PDE4D: variants seen among roughly 807,000 people sequenced by gnomAD.
PDE4D encodes the protein 3',5'-cyclic-AMP phosphodiesterase 4D.
Under a neutral mutation model 87.4 loss-of-function variants are expected in PDE4D, and 24 were observed. The ratio of observed to expected loss-of-function variants is 0.27; its 90% CI spans 0.20 to 0.39. The LOEUF (loss-of-function observed/expected upper bound fraction) is 0.39, where lower values mean the gene tolerates loss of function less well. Ranked by LOEUF, PDE4D falls within the 10% of genes least tolerant of loss-of-function variation. The probability of loss-of-function intolerance (pLI) is 1.00; values close to 1 mark genes in which losing one functional copy is unlikely to be tolerated. For synonymous variants in PDE4D, 384 were observed against 383.2 expected (o/e 1.00, Z -0.02); for missense variants, 714 against 1,041.0 (o/e 0.69, Z 4.32).
chr5:59,383,942 C>T (rs1366415601), intron 1 of PDE4D, among the ~76,000 whole-genome samples: 8 of 152,222 alleles, frequency 5.3e-5, no homozygotes, highest in Non-Finnish European at 8.8e-5. Flanking sequence ...AACTGAAGAG[C>T]GAGTGGTGCA....
intron 2 of PDE4D, among the ~76,000 whole-genome samples, chr5:60,136,215 T>C (rs1472208767): frequency 6.6e-6 from 1 of 152,234 alleles, no homozygotes; most frequent in African/African-American, 2.4e-5. Flanking sequence ...GAGGTCTTTC[T>C]GTACTTGCGC....
intron 1 of PDE4D, among the ~76,000 whole-genome samples, chr5:59,533,342 A>G (rs546671130): frequency 6.6e-6 from 1 of 152,376 alleles, no homozygotes; most frequent in Non-Finnish European, 1.5e-5. Context: ...TATTTACTAG[A>G]AGACTAAAAA....
At chr5:60,502,332 T>C (rs1036060044) in intron 1 of PDE4D, among the ~76,000 whole-genome samples, 1 of 152,228 alleles carries the variant, frequency 6.6e-6, no homozygotes, top group African/African-American at 2.4e-5. Flanking sequence ...GCATTATTTC[T>C]GAGGGCTCTG....
chr5:59,149,373 G>A (rs1406023384), intron 5 of PDE4D, among the ~76,000 whole-genome samples: 1 of 152,058 alleles, frequency 6.6e-6, no homozygotes, highest in Non-Finnish European at 1.5e-5. Flanking sequence ...AATTTAATTT[G>A]CCCTAACATT....
At chr5:59,047,150 G>A (rs2153400927) in intron 5 of PDE4D, among the ~76,000 whole-genome samples, 1 of 152,256 alleles carries the variant, frequency 6.6e-6, no homozygotes, top group African/African-American at 2.4e-5. Flanking sequence ...CTGGACTCAA[G>A]TCTCTAACTT....
chr5:60,108,131 T>G (rs1777233429), intron 2 of PDE4D, among the ~76,000 whole-genome samples: 1 of 151,796 alleles, frequency 6.6e-6, no homozygotes. Context: ...GCCCAAAATC[T>G]CCTTAAGCTG....
At chr5:59,394,719 CAGG>C (rs1448051080) in intron 1 of PDE4D, among the ~76,000 whole-genome samples, 1 of 152,050 alleles carries the variant, frequency 6.6e-6, no homozygotes, top group Non-Finnish European at 1.5e-5. Flanking sequence ...ATCTTTACAA[CAGG>C]AGGAGCCAAG....
intron 1 of PDE4D, among the ~76,000 whole-genome samples, chr5:59,243,983 T>G (rs764484282): frequency 2.0e-5 from 3 of 151,948 alleles, no homozygotes; most frequent in Non-Finnish European, 4.4e-5. Context: ...TGCCCAACAA[T>G]GAAAGAATGG....
chr5:59,148,509 A>G (rs1344075730), intron 5 of PDE4D, among the ~76,000 whole-genome samples: 1 of 152,200 alleles, frequency 6.6e-6, no homozygotes, highest in Admixed American at 6.5e-5. Flanking sequence ...CACCTCAAAC[A>G]GTGTGGAGAG....
intron 1 of PDE4D, among the ~76,000 whole-genome samples, chr5:59,382,606 A>C (rs1439763533): frequency 1.3e-5 from 2 of 152,300 alleles, no homozygotes; most frequent in Non-Finnish European, 2.9e-5. Flanking sequence ...GCCAATTCTC[A>C]TAGTCCATAG....
chr5:59,454,575 T>C (rs769028320), intron 1 of PDE4D, among the ~76,000 whole-genome samples: 1 of 152,036 alleles, frequency 6.6e-6, no homozygotes, highest in Non-Finnish European at 1.5e-5. Flanking sequence ...ATCAGGAGCA[T>C]GAAAACAGAC....
intron 1 of PDE4D, among the ~76,000 whole-genome samples, chr5:60,301,814 A>T (rs1468168356): frequency 1.3e-5 from 2 of 152,138 alleles, no homozygotes; most frequent in Non-Finnish European, 2.9e-5. Flanking sequence ...TAGATTTGTC[A>T]TATATGGCTC....
intron 1 of PDE4D, among the ~76,000 whole-genome samples, chr5:59,607,166 A>T (rs1382883595): frequency 1.3e-5 from 2 of 152,150 alleles, no homozygotes; most frequent in Non-Finnish European, 2.9e-5. Flanking sequence ...CTAAACCCTC[A>T]TCAAAAACAT....
At chr5:59,283,009 C>T (rs1346141119) in intron 1 of PDE4D, among the ~76,000 whole-genome samples, 1 of 152,120 alleles carries the variant, frequency 6.6e-6, no homozygotes, top group African/African-American at 2.4e-5. Flanking sequence ...GTTGCAAATC[C>T]AAATTCCACC....
At chr5:59,356,781 T>C (rs751611909) in intron 1 of PDE4D, 2 of 1,567,698 alleles carry the variant, frequency 1.3e-6, no homozygotes, top group Admixed American at 1.9e-5. Flanking sequence ...AGAAACGCAA[T>C]CTTGATTTGG....
chr5:60,394,274 A>G (rs1762740635), intron 1 of PDE4D, among the ~76,000 whole-genome samples: 1 of 152,202 alleles, frequency 6.6e-6, no homozygotes, highest in African/African-American at 2.4e-5. Context: ...ACCGTTAATG[A>G]ACTGCTTTCA....
chr5:58,983,209 G>A (rs1195755345), intron 11 of PDE4D, among the ~76,000 whole-genome samples: 6 of 152,230 alleles, frequency 3.9e-5, no homozygotes, highest in African/African-American at 7.2e-5. Flanking sequence ...TGGTACCTGC[G>A]TATCACGCAG....
intron 1 of PDE4D, among the ~76,000 whole-genome samples, chr5:60,364,685 C>G (rs745559755): frequency 1.3e-5 from 2 of 152,088 alleles, no homozygotes; most frequent in Non-Finnish European, 2.9e-5. Context: ...TTAAATTTAC[C>G]TAGATTTGTT....
intron 2 of PDE4D, among the ~76,000 whole-genome samples, chr5:60,150,529 C>T (rs991854387): frequency 6.6e-6 from 1 of 152,014 alleles, no homozygotes; most frequent in Non-Finnish European, 1.5e-5. Context: ...TAAAAAGTGT[C>T]TCTCAGAGAG....
Sources: gnomAD v4.1 joint callset for allele counts (sites outside exome capture counted in the v4.1 genomes callset) on GRCh38, gnomAD v4.1.1 for gene constraint, MANE v1.5 for transcripts, NCBI Gene and HGNC (gene_info 2026-07-23, HGNC 2026-07-21) for gene names.